The following CADPS variants were observed in gnomAD, a reference collection of about 807,000 sequenced individuals.
The protein encoded by CADPS is calcium dependent secretion activator, also known as calcium-dependent secretion activator 1.
In CADPS, 57 loss-of-function variants were observed where a neutral mutation model predicts 167.3. The observed-to-expected ratio is 0.34, with a 90% CI of 0.28 to 0.42. CADPS has a LOEUF of 0.42. CADPS is among the 20% of genes least tolerant of loss of function. The pLI is 1.00. For missense variants in CADPS, 1,414 were observed against 1,738.1 expected (o/e 0.81, Z 3.32); for synonymous variants, 676 against 635.3 (o/e 1.06, Z -0.96).
chr3:62,482,674 T>C (rs566013314), intron 21 of CADPS, among the ~76,000 whole-genome samples: 2 of 152,308 alleles, frequency 1.3e-5, no homozygotes, highest in South Asian at 4.1e-4. Flanking sequence ...AAAATGTGGC[T>C]TCATATCATA....
At chr3:62,422,213 G>A (rs2051572258) in intron 28 of CADPS, among the ~76,000 whole-genome samples, 1 of 152,102 alleles carries the variant, frequency 6.6e-6, no homozygotes, top group Admixed American at 6.6e-5. Context: ...CTATTTGATG[G>A]TGTTCAGAAA....
Position 62,708,657 on chromosome 3 carries a change from G to T in CADPS, c.888+44784C>A, listed in dbSNP as rs560541404. Among the ~76,000 whole-genome samples the T allele has an allele frequency of 2.0e-5, 3 of 152,116 alleles. No individual in the cohort carries two copies. The South Asian group carries it at 6.2e-4, about 32-fold the overall frequency. On this transcript the variant is annotated intron_variant, in intron 3 of 29. Coordinates refer to ENST00000383710, the MANE Select transcript of CADPS (RefSeq NM_003716.4). ...TTGGGGAATGTAGAAATCTGTAGGA[G>T]AATCCTATCTCCTTCCCAGTCTTTA...
chr3:62,670,625 A>C (rs1415395927), intron 3 of CADPS, among the ~76,000 whole-genome samples: 1 of 151,988 alleles, frequency 6.6e-6, no homozygotes, highest in African/African-American at 2.4e-5. Context: ...AATGCAGTAA[A>C]TATAACCCAA....
At chr3:62,674,869 T>C (rs963645514) in intron 3 of CADPS, among the ~76,000 whole-genome samples, 7 of 152,178 alleles carry the variant, frequency 4.6e-5, no homozygotes, top group African/African-American at 7.2e-5. Context: ...TTGGTGAAGC[T>C]GAGGTCCATA....
At chr3:62,818,712 A>G (rs552975864) in intron 1 of CADPS, among the ~76,000 whole-genome samples, 1 of 152,364 alleles carries the variant, frequency 6.6e-6, no homozygotes, top group African/African-American at 2.4e-5. Flanking sequence ...ATGTGCACAG[A>G]AAAACGTATA....
chr3:62,504,072 A>T (rs1396591038), intron 17 of CADPS, among the ~76,000 whole-genome samples: 1 of 152,206 alleles, frequency 6.6e-6, no homozygotes, highest in Non-Finnish European at 1.5e-5. Flanking sequence ...AAAAATATGG[A>T]TAAAATATAA....
chr3:62,611,546 A>G (rs1344558682), intron 6 of CADPS, among the ~76,000 whole-genome samples: 1 of 152,108 alleles, frequency 6.6e-6, no homozygotes, highest in Non-Finnish European at 1.5e-5. Flanking sequence ...CATTCTTTTC[A>G]CTCAGAATGA....
At chr3:62,459,713 G>T (rs1244176580) in intron 26 of CADPS, among the ~76,000 whole-genome samples, 1 of 152,158 alleles carries the variant, frequency 6.6e-6, no homozygotes, top group East Asian at 1.9e-4. Flanking sequence ...TTGAGAATAT[G>T]TATCTCCCTC....
At chr3:62,582,902 G>C (rs1041379197) in intron 8 of CADPS, among the ~76,000 whole-genome samples, 3 of 152,170 alleles carry the variant, frequency 2.0e-5, no homozygotes, top group African/African-American at 7.2e-5. Flanking sequence ...TCAGTTTCTA[G>C]CAGAGTGAAT....
At chr3:62,729,063 C>T (rs1037014649) in intron 3 of CADPS, among the ~76,000 whole-genome samples, 3 of 151,950 alleles carry the variant, frequency 2.0e-5, no homozygotes, top group African/African-American at 7.3e-5. Context: ...TCTATCATTA[C>T]ATGCTTTTGT....
At chr3:62,694,151 T>A (rs2079813008) in intron 3 of CADPS, among the ~76,000 whole-genome samples, 1 of 152,132 alleles carries the variant, frequency 6.6e-6, no homozygotes, top group African/African-American at 2.4e-5. Flanking sequence ...CTAAGGCCAC[T>A]GCTGACTGCC....
intron 17 of CADPS, among the ~76,000 whole-genome samples, chr3:62,507,708 A>G (rs970962531): frequency 4.6e-5 from 7 of 152,150 alleles, no homozygotes; most frequent in Admixed American, 2.0e-4. Flanking sequence ...CCTACATTTC[A>G]ACAAGATCCC....
chr3:62,845,088 T>C (rs2077197781), intron 1 of CADPS, among the ~76,000 whole-genome samples: 1 of 152,222 alleles, frequency 6.6e-6, no homozygotes, highest in East Asian at 1.9e-4. Context: ...ATGCTATCAC[T>C]GTGGGTAGAA....
intron 13 of CADPS, among the ~76,000 whole-genome samples, chr3:62,518,632 T>C (rs1454814964): frequency 6.6e-6 from 1 of 152,122 alleles, no homozygotes; most frequent in East Asian, 1.9e-4. Flanking sequence ...TTCTTGAAAA[T>C]TTGGAACAGT....
chr3:62,767,763 C>T (rs2087293707), intron 1 of CADPS, among the ~76,000 whole-genome samples: 1 of 151,950 alleles, frequency 6.6e-6, no homozygotes, highest in East Asian at 1.9e-4. Flanking sequence ...ATGTTAGCCA[C>T]ATGTATAATT....
intron 3 of CADPS, among the ~76,000 whole-genome samples, chr3:62,680,725 T>C (rs2077030568): frequency 6.6e-6 from 1 of 152,024 alleles, no homozygotes; most frequent in Admixed American, 6.6e-5. Context: ...TGATTTTCAA[T>C]TTTTAAAAAA....
intron 1 of CADPS, among the ~76,000 whole-genome samples, chr3:62,810,028 G>T (rs1054309470): frequency 6.6e-6 from 1 of 152,078 alleles, no homozygotes; most frequent in African/African-American, 2.4e-5. Flanking sequence ...CATATTTTCT[G>T]AATCTAATTA....
chr3:62,735,600 A>G (rs2078842068), intron 3 of CADPS, among the ~76,000 whole-genome samples: 2 of 152,154 alleles, frequency 1.3e-5, no homozygotes, highest in South Asian at 4.1e-4. Flanking sequence ...CTCAACCCCT[A>G]CAAGAGTTCA....
At chr3:62,428,294 G>GA (rs2053175783) in intron 28 of CADPS, among the ~76,000 whole-genome samples, 1 of 78,486 alleles carries the variant, frequency 1.3e-5, no homozygotes, top group Non-Finnish European at 2.2e-5. Context: ...GTGGAAGCAA[G>GA]ACTTTTTTTT....
Sources: allele counts gnomAD v4.1 joint callset (sites outside exome capture counted in the v4.1 genomes callset), GRCh38; gene constraint gnomAD v4.1.1; transcripts MANE v1.5; gene names NCBI Gene and HGNC (gene_info 2026-07-23, HGNC 2026-07-21).